Variants in SFRP5 observed in about 807,000 individuals in gnomAD.
The protein encoded by SFRP5 is secreted frizzled related protein 5, also known as secreted frizzled-related protein 5.
A neutral mutation model predicts 27.0 loss-of-function variants in SFRP5; 22 were observed. That is an observed-to-expected ratio of 0.82 (90% CI 0.58 to 1.17). SFRP5 has a LOEUF of 1.17. Ranked by LOEUF, SFRP5 falls within the 50% of genes most tolerant of loss-of-function variation. The pLI is 0.00. For synonymous variants in SFRP5, 171 were observed against 195.0 expected, an observed-to-expected ratio of 0.88 and a Z score of 1.03; for missense variants, 406 against 436.6, an observed-to-expected ratio of 0.93 and a Z score of 0.63.
At position 97,767,490 on chromosome 10, in the gene SFRP5, TG is replaced by T; in HGVS notation, c.*23del. 1.9e-6 allele frequency: 3 copies of T among 1,548,728 alleles called. No homozygotes were observed. Among genetic ancestry groups the T allele is most frequent in the Non-Finnish European group, 2.6e-6 (3 of 1,139,080 alleles). Reference sequence around the variant, plus strand: ...GGCCAGAGGGCAAGCAAGGCACAGCTGGCAGGGCAAGGAGGAGTGCCCTTCA... The same window carrying T: ...GGCCAGAGGGCAAGCAAGGCACAGCTGCAGGGCAAGGAGGAGTGCCCTTCA... On this transcript the variant is annotated 3_prime_UTR_variant, in exon 3 of 3. Coordinates refer to ENST00000266066, the MANE Select transcript of SFRP5 (RefSeq NM_003015.3).
intron 2 of SFRP5, among the ~76,000 whole-genome samples, chr10:97,769,404 C>G (rs2049503467): frequency 6.6e-6 from 1 of 152,202 alleles, no homozygotes; most frequent in African/African-American, 2.4e-5. Flanking sequence ...CAAGGGAGGG[C>G]TGTGGGAGCC....
Position 97,771,342 on chromosome 10 carries a change from GGCGAT to G in SFRP5, c.487_491del (p.Ile163ArgfsTer21), listed in dbSNP as rs1459477109. ...TGGCGGGCAGGTGCCCGAACTGCAC[GGCGAT>G]GCAGAGGTCGTTGTCCAGGGGGAAC... On this transcript the variant is annotated frameshift_variant, in exon 1 of 3. Transcript: ENST00000266066. LOFTEE classifies it high-confidence loss of function. This position sits in a 1 kb window ranked among gnomAD's most constrained non-coding sequence, Gnocchi z 5.2. The G allele has an allele frequency of 3.7e-6, 6 of 1,600,244 alleles. No individual in the cohort carries two copies. Among genetic ancestry groups the G allele is most frequent in the Non-Finnish European group, 5.1e-6 (6 of 1,172,692 alleles).
chr10:97,771,769 A>G lies in SFRP5; in HGVS notation c.65T>C (p.Leu22Pro), dbSNP rs2136473921. Residue 22 changes from leucine (L) to proline (P), a missense_variant, in exon 1 of 3, where the codon CTG becomes CCG. Leu to Pro is a moderately conservative substitution (Grantham distance 98). Coordinates refer to ENST00000266066, the MANE Select transcript of SFRP5 (RefSeq NM_003015.3). This position sits in a 1 kb window ranked among gnomAD's most constrained non-coding sequence, Gnocchi z 5.2. ...CTCGCAGCGCGCCGGCGCCCAGTGC[A>G]GCGCCCCCAGCAGCAGCGCCAGCGC... ...TAALALLLGA[L>P]HWAPARCEEY... The G allele has an allele frequency of 1.3e-6, 2 of 1,524,616 alleles. No homozygotes were observed. Among genetic ancestry groups the G allele is most frequent in the East Asian group, 5.2e-5 (2 of 38,114 alleles). The allele number at this position is 1,524,616 out of a possible 1,614,324, so 94.4% of individuals were successfully genotyped here. A position where few individuals can be genotyped will look rare whatever the true frequency, so the allele number is the denominator to read the frequency against.
In SFRP5 at chr10:97,771,297, G is replaced by A. The variant is rs1321838922; in HGVS notation, c.529+8C>T. On this transcript the variant is annotated splice_region_variant and intron_variant, in intron 1 of 2. Transcript: ENST00000266066. The surrounding 1 kb of genome is among the most constrained non-coding windows in gnomAD (Gnocchi z 5.2). ...CGGAGCGCGCGGGGACGGCGGCGGC[G>A]GCGCTACCTGGAGGCGCGGTGGCGG... 2 of 1,535,562 alleles carry A rather than the reference G, an allele frequency of 1.3e-6. No individual in the cohort carries two copies. The highest frequency in any genetic ancestry group is 1.4e-5 in the African/African-American group (1 of 72,212).
In SFRP5 at chr10:97,771,489, G is replaced by C; in HGVS notation, c.345C>G (p.Val115=). ...ACGGGTAGATGGGCCGGTCGAGACA[G>C]ACGGGCGCAAAGAGCGAGCACAGGA... The part of the protein sequence containing the change: ...QVFLCSLFAP[V]CLDRPIYPCR... Residue 115 remains valine (V), a synonymous_variant, in exon 1 of 3, where the codon GTC becomes GTG. Coordinates refer to ENST00000266066, the MANE Select transcript of SFRP5 (RefSeq NM_003015.3). This position sits in a 1 kb window ranked among gnomAD's most constrained non-coding sequence, Gnocchi z 5.2. 1.2e-6 allele frequency: 2 copies of C among 1,611,140 alleles called. No individual in the cohort carries two copies. Among genetic ancestry groups the C allele is most frequent in the South Asian group, 2.2e-5 (2 of 90,972 alleles).
At chr10:97,768,521 G>A (rs193053852) in intron 2 of SFRP5, among the ~76,000 whole-genome samples, 1 of 152,286 alleles carries the variant, frequency 6.6e-6, no homozygotes, top group Non-Finnish European at 1.5e-5. Flanking sequence ...GCTGGGAATA[G>A]ATACACACAG....
chr10:97,771,268 C>G lies in SFRP5; in HGVS notation c.529+37G>C. 1 of 1,426,538 alleles carries G rather than the reference C, an allele frequency of 7.0e-7. No individual in the cohort carries two copies. Among genetic ancestry groups the G allele is most frequent in the South Asian group, 1.4e-5 (1 of 72,872 alleles). The allele number at this position is 1,426,538 out of a possible 1,614,324, so 88.4% of individuals were successfully genotyped here. A position where few individuals can be genotyped will look rare whatever the true frequency, so the allele number is the denominator to read the frequency against. On this transcript the variant is annotated intron_variant, in intron 1 of 2. Transcript: ENST00000266066. This position sits in a 1 kb window ranked among gnomAD's most constrained non-coding sequence, Gnocchi z 5.2. ...GAGCTGTGCTAGGGGAGCTGCAGGGCCGTCGGAGCGCGCGGGGACGGCGGC... is the reference window on the plus strand; with the variant it reads ...GAGCTGTGCTAGGGGAGCTGCAGGGGCGTCGGAGCGCGCGGGGACGGCGGC...
At position 97,771,156 on chromosome 10, in the gene SFRP5, A is replaced by C; in HGVS notation, c.529+149T>G. ...GAAGGCGGGAAGGCTGCGGGGGATA[A>C]TTCCGGGGACGCTGGGCTGAGCTAG... On this transcript the variant is annotated intron_variant, in intron 1 of 2. Transcript: ENST00000266066. The surrounding 1 kb of genome is among the most constrained non-coding windows in gnomAD (Gnocchi z 5.2). 1 of 554,766 alleles carries C rather than the reference A, an allele frequency of 1.8e-6. No individual in the cohort carries two copies. The highest frequency in any genetic ancestry group is 3.1e-6 in the Non-Finnish European group (1 of 323,924). The allele number at this position is 554,766 out of a possible 1,614,324, so 34.4% of individuals were successfully genotyped here.
chr10:97,767,426 C>T lies in SFRP5; in HGVS notation c.*88G>A. ...GCCAGTAACAACATTCGTGAAAACA[C>T]CCTCCAGTAGGGCCGGGTCAGCCTG... On this transcript the variant is annotated 3_prime_UTR_variant, in exon 3 of 3. Transcript: ENST00000266066. 2 of 1,026,090 alleles carry T rather than the reference C, an allele frequency of 1.9e-6. No individual in the cohort carries two copies. Among genetic ancestry groups the T allele is most frequent in the South Asian group, 1.6e-5 (1 of 61,786 alleles). 63.6% of individuals were successfully genotyped at this position (1,026,090 alleles called of 1,614,324 possible). A position where few individuals can be genotyped will look rare whatever the true frequency, so the allele number is the denominator to read the frequency against.
At position 97,766,888 on chromosome 10, in the gene SFRP5, G is replaced by A. The variant is rs2049487155; in HGVS notation, c.*626C>T. On this transcript the variant is annotated 3_prime_UTR_variant, in exon 3 of 3. Coordinates refer to ENST00000266066, the MANE Select transcript of SFRP5 (RefSeq NM_003015.3). The stretch of plus-strand genomic sequence containing the variant: ...ATAAAAGGGAGAAGCAGAGGCTGAG[G>A]AATGAATCCCGGGAATCGAGCCGCG... 2 of 151,972 alleles carry A rather than the reference G, an allele frequency of 1.3e-5. No homozygotes were observed. The highest frequency in any genetic ancestry group is 2.9e-5 in the Non-Finnish European group (2 of 68,222). 9.4% of individuals were successfully genotyped at this position (151,972 alleles called of 1,614,324 possible). A position where few individuals can be genotyped will look rare whatever the true frequency, so the allele number is the denominator to read the frequency against.
At chr10:97,769,242 G>A (rs2136472440) in intron 2 of SFRP5, among the ~76,000 whole-genome samples, 1 of 152,316 alleles carries the variant, frequency 6.6e-6, no homozygotes. Flanking sequence ...GGCAGGAGGT[G>A]TGCTGAGTCC....
At chr10:97,770,282 C>T (rs1372162049) in intron 1 of SFRP5, among the ~76,000 whole-genome samples, 2 of 152,210 alleles carry the variant, frequency 1.3e-5, no homozygotes, top group Non-Finnish European at 2.9e-5. Context: ...GTTGGCCAGG[C>T]TGGTCTAGAA....
intron 2 of SFRP5, among the ~76,000 whole-genome samples, chr10:97,768,951 GAC>G (rs552320407): frequency 1.3e-5 from 2 of 152,112 alleles, no homozygotes; most frequent in Non-Finnish European, 2.9e-5. Flanking sequence ...TTCTCTCTCT[GAC>G]ACACACATAC....
chr10:97,771,684 C>T lies in SFRP5; in HGVS notation c.150G>A (p.Pro50=). ...CGGCAGGGATGTCAAGGCACTGCGG[C>T]GGCTTGGAGTAGGAGCGGCCGTGCA... The part of the protein sequence containing the change: ...EPLHGRSYSK[P]PQCLDIPADL... Residue 50 remains proline, a synonymous_variant, in exon 1 of 3, where the codon CCG becomes CCA. Transcript: ENST00000266066. This position sits in a 1 kb window ranked among gnomAD's most constrained non-coding sequence, Gnocchi z 5.2. 2 of 1,600,476 alleles carry T rather than the reference C, an allele frequency of 1.2e-6. No individual in the cohort carries two copies. The highest frequency in any genetic ancestry group is 1.7e-6 in the Non-Finnish European group (2 of 1,179,540).
chr10:97,770,164 G>A (rs1381402300), intron 1 of SFRP5, among the ~76,000 whole-genome samples: 1 of 152,234 alleles, frequency 6.6e-6, no homozygotes, highest in Non-Finnish European at 1.5e-5. Context: ...CTGCCTCCCA[G>A]GTTTAAGCGA....
At chr10:97,767,911 G>A in intron 2 of SFRP5, 51 bp from the exon 3 acceptor site, 1 of 1,362,782 alleles carries the variant, frequency 7.3e-7, no homozygotes, top group Non-Finnish European at 1.0e-6. Context: ...ATCTGTGTGG[G>A]ATGCTGGTGG....
chr10:97,768,023 G>A (rs1316150760), intron 2 of SFRP5, among the ~76,000 whole-genome samples, 163 bp from the exon 3 acceptor site: 1 of 152,104 alleles, frequency 6.6e-6, no homozygotes, highest in African/African-American at 2.4e-5. Flanking sequence ...TATTTATGAA[G>A]CACTTATCAT....
Position 97,769,749 on chromosome 10 carries a change from AAGAG to A in SFRP5, c.530-8_530-5del, listed in dbSNP as rs2049505235. On this transcript the variant is annotated splice_region_variant and splice_polypyrimidine_tract_variant and intron_variant, in intron 1 of 2. Coordinates refer to ENST00000266066, the MANE Select transcript of SFRP5 (RefSeq NM_003015.3). ...CACTGGGCGCAGATCTTGGTCACTG[AAGAG>A]AGAAAGTGGGGTGGGGTTGGGGGAC... 6.2e-7 allele frequency: 1 copy of A among 1,612,414 alleles called. No homozygotes were observed. The highest frequency in any genetic ancestry group is 1.7e-4 in the Middle Eastern group (1 of 6,052).
intron 1 of SFRP5, 42 bp from the exon 2 acceptor site, chr10:97,769,787 A>T: frequency 6.9e-7 from 1 of 1,447,584 alleles, no homozygotes; most frequent in South Asian, 1.2e-5. Flanking sequence ...ACAGTTGGTG[A>T]GGGGATTGGA....
Sources: gnomAD v4.1 joint callset for allele counts (sites outside exome capture counted in the v4.1 genomes callset) on GRCh38, gnomAD v4.1.1 for gene constraint, Gnocchi (gnomAD v3.1) non-coding constraint, MANE v1.5 for transcripts, NCBI Gene and HGNC (gene_info 2026-07-23, HGNC 2026-07-21) for gene names.